NDC1: variants seen among roughly 807,000 people sequenced by gnomAD.
NDC1 encodes the protein nucleoporin NDC1.
Under a neutral mutation model 89.8 loss-of-function variants are expected in NDC1, and 24 were observed. The observed-to-expected ratio is 0.27, with a 90% CI of 0.19 to 0.38. The LOEUF (loss-of-function observed/expected upper bound fraction) is 0.38. NDC1 is among the 10% of genes least tolerant of loss of function. The pLI, the probability that NDC1 is intolerant of heterozygous loss-of-function variation, is 1.00. For synonymous variants in NDC1, 296 were observed against 284.8 expected (o/e 1.04, Z -0.39); for missense variants, 728 against 797.6 (o/e 0.91, Z 1.05).
At chr1:53,768,846 C>T (rs1014401868) in intron 17 of NDC1, among the ~76,000 whole-genome samples, 11 of 152,190 alleles carry the variant, frequency 7.2e-5, no homozygotes, top group African/African-American at 2.7e-4. Flanking sequence ...TACAAAGATG[C>T]CCTCTAGGTG....
intron 11 of NDC1, among the ~76,000 whole-genome samples, chr1:53,797,602 CCA>C (rs939129963): frequency 6.6e-6 from 1 of 152,000 alleles, no homozygotes; most frequent in African/African-American, 2.4e-5. Context: ...CCCATTTTCC[CCA>C]GTTTTTTCCT....
chr1:53,836,412 A>G (rs948620979), intron 1 of NDC1, among the ~76,000 whole-genome samples: 2 of 150,948 alleles, frequency 1.3e-5, no homozygotes, highest in African/African-American at 4.9e-5. Flanking sequence ...TTAGCCAGGC[A>G]TCATTCCAGC....
intron 16 of NDC1, among the ~76,000 whole-genome samples, chr1:53,778,085 T>C (rs1647176779): frequency 6.6e-6 from 1 of 152,156 alleles, no homozygotes; most frequent in Admixed American, 6.5e-5. Flanking sequence ...TGGACTCATC[T>C]GGCAGTAAAA....
Position 53,765,724 on chromosome 1 carries a change from C to A in NDC1, c.*2246G>T, listed in dbSNP as rs1191074489. On this transcript the variant is annotated 3_prime_UTR_variant, in exon 18 of 18. Transcript: ENST00000371429. Reference sequence around the variant, plus strand: ...ATTTATACCTTCCATAAGGGTCAAGCAAACATGCTAAGAGCTGATACCATC... The same window carrying A: ...ATTTATACCTTCCATAAGGGTCAAGAAAACATGCTAAGAGCTGATACCATC... 2 of 152,136 alleles carry A rather than the reference C, an allele frequency of 1.3e-5. No homozygotes were observed. Among genetic ancestry groups the A allele is most frequent in the Non-Finnish European group, 1.5e-5 (1 of 68,010 alleles). 9.4% of individuals were successfully genotyped at this position (152,136 alleles called of 1,614,324 possible). A position where few individuals can be genotyped will look rare whatever the true frequency, so the allele number is the denominator to read the frequency against.
chr1:53,766,427 G>T lies in NDC1; in HGVS notation c.*1543C>A, dbSNP rs1025410360. 1.3e-5 allele frequency: 2 copies of T among 152,154 alleles called. No individual in the cohort carries two copies. The highest frequency in any genetic ancestry group is 2.9e-5 in the Non-Finnish European group (2 of 68,030). 9.4% of individuals were successfully genotyped at this position (152,154 alleles called of 1,614,324 possible). A position where few individuals can be genotyped will look rare whatever the true frequency, so the allele number is the denominator to read the frequency against. On this transcript the variant is annotated 3_prime_UTR_variant, in exon 18 of 18. Transcript: ENST00000371429. Reference sequence around the variant, plus strand: ...CCACAATTTTCTGTCTTGGCCATCTGTAAGAAATGACTACGTTTGAAATTC... The same window carrying T: ...CCACAATTTTCTGTCTTGGCCATCTTTAAGAAATGACTACGTTTGAAATTC...
At chr1:53,824,140 T>C (rs1047306504) in intron 5 of NDC1, among the ~76,000 whole-genome samples, 1 of 147,262 alleles carries the variant, frequency 6.8e-6, no homozygotes, top group Non-Finnish European at 1.5e-5. Flanking sequence ...AGGACTGAGG[T>C]AGGAGGACTG....
At chr1:53,815,805 A>C (rs1648456253) in intron 6 of NDC1, among the ~76,000 whole-genome samples, 2 of 152,214 alleles carry the variant, frequency 1.3e-5, no homozygotes, top group Admixed American at 1.3e-4. Flanking sequence ...CTATACACCA[A>C]CAGTGACCAA....
chr1:53,790,409 T>A (rs1307069725), intron 14 of NDC1, among the ~76,000 whole-genome samples: 1 of 138,080 alleles, frequency 7.2e-6, no homozygotes, highest in African/African-American at 2.7e-5. Context: ...AAATAAAAAA[T>A]AAAAATAAAA....
intron 17 of NDC1, among the ~76,000 whole-genome samples, chr1:53,771,763 T>A (rs2100616322): frequency 6.6e-6 from 1 of 152,342 alleles, no homozygotes; most frequent in African/African-American, 2.4e-5. Context: ...CTAGTATCCC[T>A]CATCCTGCCT....
intron 9 of NDC1, among the ~76,000 whole-genome samples, chr1:53,805,847 G>C (rs1648085269): frequency 6.6e-6 from 1 of 152,178 alleles, no homozygotes; most frequent in South Asian, 2.1e-4. Context: ...GGCCGAGGCG[G>C]GTGGATCACG....
At chr1:53,778,953 A>G (rs1780412) in intron 16 of NDC1, among the ~76,000 whole-genome samples, 128,148 of 151,884 alleles carry the variant, frequency 0.84, 54,562 homozygotes, top group African/African-American at 0.91. Context: ...AGCAGCCTGG[A>G]CAACATGGCA....
Position 53,766,998 on chromosome 1 carries a change from T to C in NDC1, c.*972A>G. The C allele has an allele frequency of 6.6e-6, 1 of 152,256 alleles. No homozygotes were observed. The highest frequency in any genetic ancestry group is 1.9e-4 in the East Asian group (1 of 5,202). The allele number at this position is 152,256 out of a possible 1,614,324, so 9.4% of individuals were successfully genotyped here. A position where few individuals can be genotyped will look rare whatever the true frequency, so the allele number is the denominator to read the frequency against. The stretch of plus-strand genomic sequence containing the variant: ...TGCTATTTGATGACTAAGTTGTTTC[T>C]GGCTATAAAGATCTTCCTATTTTAA... On this transcript the variant is annotated 3_prime_UTR_variant, in exon 18 of 18. Coordinates refer to ENST00000371429, the MANE Select transcript of NDC1 (RefSeq NM_018087.5).
chr1:53,793,603 T>G (rs1056979987), intron 13 of NDC1, among the ~76,000 whole-genome samples: 2 of 152,172 alleles, frequency 1.3e-5, no homozygotes, highest in Admixed American at 6.5e-5. Flanking sequence ...TTTTCTTTTT[T>G]ATTTCAGAAA....
chr1:53,817,440 T>C (rs1167840972), intron 6 of NDC1, among the ~76,000 whole-genome samples: 1 of 152,132 alleles, frequency 6.6e-6, no homozygotes, highest in East Asian at 1.9e-4. Flanking sequence ...AAACTGAGGA[T>C]GCAAAGGCAT....
rs574102044 is a variant in NDC1, at chr1:53,768,284, C to T, written c.1962-251G>A. Among the ~76,000 whole-genome samples the T allele has an allele frequency of 8.5e-5, 13 of 152,328 alleles. No homozygotes were observed. The South Asian group carries it at 2.3e-3, about 27-fold the overall frequency. On this transcript the variant is annotated intron_variant, in intron 17 of 17. Transcript: ENST00000371429. Reference sequence around the variant, plus strand: ...TAAGACTGACAAGTGAAGGCATTGACTTTAACCTGCTCTGCTATGGAACCT... The same window carrying T: ...TAAGACTGACAAGTGAAGGCATTGATTTTAACCTGCTCTGCTATGGAACCT...
chr1:53,798,869 T>G (rs1647817735), intron 11 of NDC1, among the ~76,000 whole-genome samples: 1 of 152,222 alleles, frequency 6.6e-6, no homozygotes, highest in Non-Finnish European at 1.5e-5. Flanking sequence ...ATATGACTTT[T>G]TAAAGGTTAA....
chr1:53,781,263 C>T (rs988414400), intron 16 of NDC1, among the ~76,000 whole-genome samples: 2 of 152,150 alleles, frequency 1.3e-5, no homozygotes, highest in African/African-American at 4.8e-5. Context: ...GAGGATAATA[C>T]TTGTTGTCCA....
Position 53,802,927 on chromosome 1 carries a change from T to C in NDC1, c.1066+1001A>G, listed in dbSNP as rs138534723. Among the ~76,000 whole-genome samples, 599 of 152,342 alleles carry C rather than the reference T, an allele frequency of 3.9e-3. 2 individuals are homozygous for C. Among genetic ancestry groups the C allele is most frequent in the African/African-American group, 0.013 (560 of 41,568 alleles). On this transcript the variant is annotated intron_variant, in intron 10 of 17. Transcript: ENST00000371429. Reference sequence around the variant, plus strand: ...ATAGCAGAAGGAGGAGTCCTGTACATGGAGCCAAATGACAGGACTCTTATT... The same window carrying C: ...ATAGCAGAAGGAGGAGTCCTGTACACGGAGCCAAATGACAGGACTCTTATT...
Position 53,832,706 on chromosome 1 carries a change from T to C in NDC1, c.179-115A>G, listed in dbSNP as rs536945955. The stretch of plus-strand genomic sequence containing the variant: ...ATTGTCATTAATTTTAAAGGTTATC[T>C]TTTCTTCAAGAATTTAATTGTACAC... On this transcript the variant is annotated intron_variant, in intron 2 of 17. Coordinates refer to ENST00000371429, the MANE Select transcript of NDC1 (RefSeq NM_018087.5). The C allele has an allele frequency of 7.0e-5, 42 of 601,104 alleles. No homozygotes were observed. The African/African-American group carries it at 7.5e-4, about 11-fold the overall frequency. The allele number at this position is 601,104 out of a possible 1,614,324, so 37.2% of individuals were successfully genotyped here.
Sources: gnomAD v4.1 joint callset for allele counts (sites outside exome capture counted in the v4.1 genomes callset) on GRCh38, gnomAD v4.1.1 for gene constraint, MANE v1.5 for transcripts, NCBI Gene and HGNC (gene_info 2026-07-23, HGNC 2026-07-21) for gene names.